The following CCDC138 variants were observed in gnomAD, a reference collection of about 807,000 sequenced individuals.
The protein encoded by CCDC138 is coiled-coil domain-containing protein 138.
A neutral mutation model predicts 82.3 loss-of-function variants in CCDC138; 66 were observed. The observed-to-expected ratio is 0.80, with a 90% confidence interval of 0.66 to 0.98. The LOEUF (loss-of-function observed/expected upper bound fraction) is 0.98. Among genes scored for constraint, CCDC138 ranks in the 50% least tolerant of loss-of-function variants. CCDC138 has a pLI of 0.00. For synonymous variants in CCDC138, 297 were observed against 265.4 expected, an observed-to-expected ratio of 1.12 and a Z score of -1.16; for missense variants, 816 against 758.9, an observed-to-expected ratio of 1.08 and a Z score of -0.88.
At chr2:108,812,560 G>T in intron 7 of CCDC138, 71 bp from the exon 8 acceptor site, 1 of 1,122,926 alleles carries the variant, frequency 8.9e-7, no homozygotes, top group South Asian at 1.3e-5. Context: ...TTAGATAGTA[G>T]ATTGGGAAAC....
At chr2:108,873,142 A>G (rs181975671) in intron 13 of CCDC138, among the ~76,000 whole-genome samples, 84 of 152,226 alleles carry the variant, frequency 5.5e-4, no homozygotes, top group African/African-American at 2.0e-3. Flanking sequence ...TTTAAACTGA[A>G]CTTATTGTTA....
chr2:108,857,062 ATTGCT>A, intron 13 of CCDC138, 92 bp downstream of exon 13: 1 of 110,722 alleles, frequency 9.0e-6, no homozygotes, highest in South Asian at 2.3e-4. Flanking sequence ...ATCAGATACT[ATTGCT>A]TTTTTTTTTT....
chr2:108,864,814 A>C (rs1694168701), intron 13 of CCDC138, among the ~76,000 whole-genome samples: 1 of 137,768 alleles, frequency 7.3e-6, no homozygotes, highest in Non-Finnish European at 1.6e-5. Flanking sequence ...AAAAAAAATT[A>C]GCTTGGCATA....
chr2:108,838,216 G>A (rs750250538), intron 10 of CCDC138, among the ~76,000 whole-genome samples: 3 of 152,152 alleles, frequency 2.0e-5, no homozygotes, highest in Non-Finnish European at 4.4e-5. Flanking sequence ...GCATACTCTA[G>A]GCCGAGCACT....
intron 10 of CCDC138, among the ~76,000 whole-genome samples, chr2:108,826,502 GAA>G (rs1417890256): frequency 6.6e-6 from 1 of 152,034 alleles, no homozygotes; most frequent in Non-Finnish European, 1.5e-5. Flanking sequence ...ATCATTAGTT[GAA>G]AAATCTATTC....
At chr2:108,787,704 T>C (rs970840782) in intron 1 of CCDC138, among the ~76,000 whole-genome samples, 1 of 152,128 alleles carries the variant, frequency 6.6e-6, no homozygotes, top group African/African-American at 2.4e-5. Context: ...TTGTTTTCTG[T>C]AAGGTTGTTT....
intron 6 of CCDC138, among the ~76,000 whole-genome samples, chr2:108,799,972 T>G (rs1681621146): frequency 6.6e-6 from 1 of 152,206 alleles, no homozygotes; most frequent in African/African-American, 2.4e-5. Flanking sequence ...TTATTTTTGT[T>G]TTTCTCATAA....
intron 13 of CCDC138, among the ~76,000 whole-genome samples, chr2:108,868,725 T>A (rs1210436215): frequency 6.6e-6 from 1 of 152,186 alleles, no homozygotes; most frequent in East Asian, 1.9e-4. Flanking sequence ...TCCTCCTTTT[T>A]TGCTTTGTTA....
intron 10 of CCDC138, among the ~76,000 whole-genome samples, chr2:108,837,908 G>A (rs1688836585): frequency 6.6e-6 from 1 of 151,580 alleles, no homozygotes; most frequent in African/African-American, 2.4e-5. Context: ...CTTATGAGGT[G>A]TCTATAATTT....
At chr2:108,879,620 A>T (rs573647884), downstream of CCDC138, among the ~76,000 whole-genome samples, 23 of 152,196 alleles carry the variant, frequency 1.5e-4, no homozygotes, top group Non-Finnish European at 3.2e-4. Context: ...GGCCAGGCTA[A>T]GTTTTTAGTA....
intron 7 of CCDC138, among the ~76,000 whole-genome samples, chr2:108,805,513 C>T (rs1041166999): frequency 6.6e-6 from 1 of 151,818 alleles, no homozygotes; most frequent in African/African-American, 2.4e-5. Flanking sequence ...ATCACGAGGT[C>T]AGGAGTTCGA....
chr2:108,828,556 C>A (rs1291818303), intron 10 of CCDC138, among the ~76,000 whole-genome samples: 1 of 152,134 alleles, frequency 6.6e-6, no homozygotes, highest in South Asian at 2.1e-4. Flanking sequence ...CACATATAGT[C>A]CAATGATTTT....
chr2:108,875,319 TAAAA>T (rs66522366), intron 14 of CCDC138, among the ~76,000 whole-genome samples: 4,214 of 118,406 alleles, frequency 0.036, 141 homozygotes, highest in Non-Finnish European at 0.044. Flanking sequence ...TAAAGTATAA[TAAAA>T]AAAAAAAAAA....
chr2:108,825,781 G>A (rs1405242562), intron 10 of CCDC138, among the ~76,000 whole-genome samples: 11 of 152,116 alleles, frequency 7.2e-5, no homozygotes, highest in African/African-American at 2.7e-4. Flanking sequence ...ATTTTTGTAT[G>A]CACATATTTT....
intron 9 of CCDC138, among the ~76,000 whole-genome samples, chr2:108,813,844 A>AT (rs1684308555): frequency 6.6e-6 from 1 of 152,154 alleles, no homozygotes; most frequent in Non-Finnish European, 1.5e-5. Flanking sequence ...TGTTTGAGAC[A>AT]TTTGGTCAGT....
At chr2:108,787,997 A>G (rs1323052738) in intron 1 of CCDC138, 35 bp from the exon 2 acceptor site, 2 of 1,436,876 alleles carry the variant, frequency 1.4e-6, no homozygotes, top group South Asian at 1.3e-5. Flanking sequence ...ATTGATTTTT[A>G]GTATACAAAT....
chr2:108,876,050 G>A, intron 14 of CCDC138, 38 bp from the exon 15 acceptor site: 1 of 1,349,230 alleles, frequency 7.4e-7, no homozygotes, highest in Non-Finnish European at 1.1e-6. Flanking sequence ...AACTCTCTAA[G>A]TATGTGTAAT....
intron 6 of CCDC138, among the ~76,000 whole-genome samples, chr2:108,799,727 T>C (rs948258752): frequency 2.0e-5 from 3 of 152,176 alleles, no homozygotes; most frequent in African/African-American, 7.2e-5. Context: ...TTTTTCCACT[T>C]TCTTTCTTGT....
intron 13 of CCDC138, among the ~76,000 whole-genome samples, chr2:108,869,242 A>G (rs893122873): frequency 6.6e-6 from 1 of 152,182 alleles, no homozygotes; most frequent in African/African-American, 2.4e-5. Flanking sequence ...CAAATGCCCA[A>G]TCAAGAAAAA....
Sources: gnomAD v4.1 joint callset for allele counts (sites outside exome capture counted in the v4.1 genomes callset) on GRCh38, gnomAD v4.1.1 for gene constraint, MANE v1.5 for transcripts, NCBI Gene and HGNC (gene_info 2026-07-23, HGNC 2026-07-21) for gene names.